SHROOM4: variants seen among roughly 807,000 people sequenced by gnomAD.
SHROOM4 encodes the protein shroom family member 4.
Under a neutral mutation model 80.3 loss-of-function variants are expected in SHROOM4, and 17 were observed. The observed-to-expected ratio is 0.21, with a 90% confidence interval of 0.14 to 0.32. The LOEUF (loss-of-function observed/expected upper bound fraction) is 0.32, where lower values mean the gene tolerates loss of function less well. SHROOM4 is among the 10% of genes least tolerant of loss of function. The probability of loss-of-function intolerance (pLI) is 1.00; values close to 1 mark genes in which losing one functional copy is unlikely to be tolerated. For missense variants in SHROOM4, 993 were observed against 1,140.3 expected (o/e 0.87, Z 1.86); for synonymous variants, 400 against 437.5 (o/e 0.91, Z 1.07).
At chrX:50,739,227 C>T (rs1304589199) in intron 1 of SHROOM4, among the ~76,000 whole-genome samples, 5 of 111,203 alleles carry the variant, frequency 4.5e-5, no homozygotes, top group African/African-American at 1.6e-4. Context: ...CCATAAAAAC[C>T]CTAGAAGAAA....
intron 1 of SHROOM4, among the ~76,000 whole-genome samples, chrX:50,790,248 C>T (rs1290541230): frequency 9.1e-6 from 1 of 110,276 alleles, no homozygotes; most frequent in African/African-American, 3.3e-5. Context: ...AAGACTGTCA[C>T]AAAGAAATAG....
downstream of SHROOM4, among the ~76,000 whole-genome samples, chrX:50,584,161 C>T (rs1400980892): frequency 1.8e-5 from 2 of 111,804 alleles, no homozygotes; most frequent in African/African-American, 6.5e-5. Flanking sequence ...CCAGCCAAGG[C>T]CAGCAAAGTT....
At chrX:50,759,527 A>G (rs1441143655) in intron 1 of SHROOM4, among the ~76,000 whole-genome samples, 1 of 112,079 alleles carries the variant, frequency 8.9e-6, no homozygotes, top group Non-Finnish European at 1.9e-5. Flanking sequence ...TCGATTTTCT[A>G]TGCTGTTTTT....
intron 1 of SHROOM4, among the ~76,000 whole-genome samples, chrX:50,698,200 A>G (rs1310693090): frequency 8.9e-6 from 1 of 112,325 alleles, no homozygotes; most frequent in Non-Finnish European, 1.9e-5. Context: ...CTTTTAAACT[A>G]AAATGCTTAA....
intron 2 of SHROOM4, among the ~76,000 whole-genome samples, chrX:50,651,742 C>T (rs1358530034): frequency 9.9e-6 from 1 of 100,628 alleles, no homozygotes; most frequent in Non-Finnish European, 2.0e-5. Context: ...AGCCCCTTAA[C>T]CCCCGACATG....
rs1172549827 is a variant in SHROOM4, at chrX:50,589,431, T to C, written c.*7264A>G. Among the ~76,000 whole-genome samples the C allele has an allele frequency of 9.0e-6, 1 of 111,497 alleles. No individual in the cohort carries two copies. The highest frequency in any genetic ancestry group is 1.9e-5 in the Non-Finnish European group (1 of 53,084). On this transcript the variant is annotated 3_prime_UTR_variant, in exon 9 of 9. Coordinates refer to ENST00000376020, the MANE Select transcript of SHROOM4 (RefSeq NM_020717.5). Reference sequence around the variant, plus strand: ...TTCATCATCCCCAAAAGAAACCCCATGCCTATTGCCCCTGAGCCCCCAGCC... The same window carrying C: ...TTCATCATCCCCAAAAGAAACCCCACGCCTATTGCCCCTGAGCCCCCAGCC...
intron 1 of SHROOM4, among the ~76,000 whole-genome samples, chrX:50,811,887 T>C (rs1370911348): frequency 2.7e-5 from 3 of 110,829 alleles, no homozygotes; most frequent in African/African-American, 9.9e-5. Flanking sequence ...AAAGGCACCC[T>C]GCCTCTCAAC....
chrX:50,694,059 G>T (rs1227477958), intron 2 of SHROOM4, among the ~76,000 whole-genome samples: 8 of 111,326 alleles, frequency 7.2e-5, no homozygotes, highest in Non-Finnish European at 1.5e-4. Context: ...TCTTTTTATG[G>T]CTGAATCGTA....
At chrX:50,724,613 C>T (rs782226954) in intron 1 of SHROOM4, among the ~76,000 whole-genome samples, 10 of 112,152 alleles carry the variant, frequency 8.9e-5, no homozygotes, top group Non-Finnish European at 1.7e-4. Context: ...GACAGGCATG[C>T]GCCACCACAC....
At chrX:50,788,035 C>T (rs1338477977) in intron 1 of SHROOM4, among the ~76,000 whole-genome samples, 2 of 111,736 alleles carry the variant, frequency 1.8e-5, no homozygotes, top group African/African-American at 3.3e-5. Context: ...TAAACAAATA[C>T]AGAATGATGT....
At chrX:50,740,294 C>T (rs933771329) in intron 1 of SHROOM4, among the ~76,000 whole-genome samples, 4 of 109,194 alleles carry the variant, frequency 3.7e-5, no homozygotes, top group South Asian at 4.1e-4. Context: ...CAAACCTGCA[C>T]GTTGTGCACA....
At chrX:50,602,896 A>T in intron 6 of SHROOM4, 83 bp from the exon 7 acceptor site, 1 of 949,997 alleles carries the variant, frequency 1.1e-6, no homozygotes, top group Non-Finnish European at 1.5e-6. Context: ...CCATCTGAAA[A>T]ATGGAACCCT....
At chrX:50,696,078 A>C in intron 1 of SHROOM4, 141 bp from the exon 2 acceptor site, 1 of 624,569 alleles carries the variant, frequency 1.6e-6, no homozygotes, top group Non-Finnish European at 2.5e-6. Flanking sequence ...TCAGGAGCTG[A>C]TCACAGGTCA....
At chrX:50,750,481 C>T (rs1366757136) in intron 1 of SHROOM4, among the ~76,000 whole-genome samples, 1 of 111,763 alleles carries the variant, frequency 8.9e-6, no homozygotes, top group Non-Finnish European at 1.9e-5. Context: ...GGGCTGCTCT[C>T]GAACTCCTGA....
At chrX:50,810,236 C>T (rs1936303751) in intron 1 of SHROOM4, among the ~76,000 whole-genome samples, 1 of 111,261 alleles carries the variant, frequency 9.0e-6, no homozygotes, top group African/African-American at 3.3e-5. Flanking sequence ...TCCCCATATT[C>T]AGGGAAATCA....
chrX:50,651,592 T>C (rs1370094538), intron 2 of SHROOM4, among the ~76,000 whole-genome samples: 3 of 111,949 alleles, frequency 2.7e-5, no homozygotes, highest in Non-Finnish European at 3.8e-5. Flanking sequence ...ATTTTGGTTT[T>C]GTTTTTATAC....
chrX:50,634,890 A>G lies in SHROOM4; in HGVS notation c.1183T>C (p.Ser395Pro). Residue 395 changes from serine to proline, a missense_variant, in exon 4 of 9, where the codon TCT becomes CCT. Coordinates refer to ENST00000376020, the MANE Select transcript of SHROOM4 (RefSeq NM_020717.5). ...NEASAELAKASFGRPPHLIGP... is the reference protein window; with the variant it reads ...NEASAELAKAPFGRPPHLIGP... ...ATGAGATGTGGAGGTCTGCCAAAAGAAGCCTTAGCTAGCTCTGCAGAAGCC... is the reference window on the plus strand; with the variant it reads ...ATGAGATGTGGAGGTCTGCCAAAAGGAGCCTTAGCTAGCTCTGCAGAAGCC... 1 of 1,206,664 alleles carries G rather than the reference A, an allele frequency of 8.3e-7. No individual in the cohort carries two copies. The highest frequency in any genetic ancestry group is 1.1e-6 in the Non-Finnish European group (1 of 892,740).
intron 1 of SHROOM4, among the ~76,000 whole-genome samples, chrX:50,703,267 T>C (rs1314721833): frequency 8.9e-6 from 1 of 112,213 alleles, no homozygotes. Context: ...ATTATAAAAA[T>C]AGAATCAATT....
At chrX:50,642,747 G>A (rs370753027) in intron 2 of SHROOM4, among the ~76,000 whole-genome samples, 1 of 112,135 alleles carries the variant, frequency 8.9e-6, no homozygotes, top group Admixed American at 9.4e-5. Context: ...TTACAGGCAT[G>A]AGCCACCATG....
Sources: allele counts gnomAD v4.1 joint callset (sites outside exome capture counted in the v4.1 genomes callset), GRCh38; gene constraint gnomAD v4.1.1; transcripts MANE v1.5; gene names NCBI Gene and HGNC (gene_info 2026-07-23, HGNC 2026-07-21).